HADHB: variants seen among roughly 807,000 people sequenced by gnomAD.
HADHB encodes trifunctional enzyme subunit beta, mitochondrial.
Under a neutral mutation model 61.9 loss-of-function variants are expected in HADHB, and 50 were observed. The ratio of observed to expected loss-of-function variants is 0.81; its 90% CI spans 0.64 to 1.02. The LOEUF is 1.02. Among genes scored for constraint, HADHB ranks in the 50% least tolerant of loss-of-function variants. The pLI, the probability that HADHB is intolerant of heterozygous loss-of-function variation, is 0.00. For synonymous variants in HADHB, 191 were observed against 201.6 expected (o/e 0.95, Z 0.45); for missense variants, 504 against 586.5 (o/e 0.86, Z 1.45).
intron 3 of HADHB, among the ~76,000 whole-genome samples, chr2:26,258,915 C>T (rs1671750787): frequency 6.6e-6 from 1 of 152,018 alleles, no homozygotes; most frequent in Admixed American, 6.6e-5. Flanking sequence ...AGTTACAAGC[C>T]CCGTGTTTAA....
intron 15 of HADHB, 63 bp downstream of exon 15, chr2:26,285,634 A>G (rs1337209611): frequency 4.0e-6 from 5 of 1,238,216 alleles, no homozygotes; most frequent in African/African-American, 3.1e-5. Flanking sequence ...ACTAGAATGT[A>G]TGATTTAGTT....
At chr2:26,265,262 A>G (rs1046816717) in intron 4 of HADHB, among the ~76,000 whole-genome samples, 10 of 152,132 alleles carry the variant, frequency 6.6e-5, no homozygotes, top group Non-Finnish European at 1.2e-4. Flanking sequence ...GGATCATTAT[A>G]TATTATGTAG....
rs114999315 is a variant in HADHB, at chr2:26,270,308, G to A, written c.254+311G>A. Among the ~76,000 whole-genome samples the A allele has an allele frequency of 4.4e-3, 665 of 152,296 alleles. 6 individuals are homozygous for A. Among genetic ancestry groups the A allele is most frequent in the South Asian group, 0.025 (119 of 4,830 alleles). ...TATGTAGATATTTACCTAGAAAGAA[G>A]CCTAAAAGACACCTGAAGATTCATG... is the stretch of plus-strand genomic sequence containing the variant. On this transcript the variant is annotated intron_variant, in intron 5 of 15. Coordinates refer to ENST00000317799, the MANE Select transcript of HADHB (RefSeq NM_000183.3).
chr2:26,271,368 G>A (rs984170636), intron 5 of HADHB, among the ~76,000 whole-genome samples: 4 of 151,934 alleles, frequency 2.6e-5, no homozygotes, highest in African/African-American at 4.8e-5. Flanking sequence ...TTAGCTGGGC[G>A]TAGTAGCACA....
chr2:26,288,735 A>AG (rs1436772254), intron 15 of HADHB, among the ~76,000 whole-genome samples: 5 of 152,106 alleles, frequency 3.3e-5, no homozygotes, highest in African/African-American at 1.2e-4. Flanking sequence ...CCAAGTACTT[A>AG]ACAGTTTGTT....
chr2:26,279,397 A>G lies in HADHB; in HGVS notation c.811+82A>G, dbSNP rs757303269. 1.2e-5 allele frequency: 12 copies of G among 991,400 alleles called. No homozygotes were observed. In the African/African-American group the frequency reaches 1.3e-4, roughly 10 times the overall value. The allele number at this position is 991,400 out of a possible 1,614,324, so 61.4% of individuals were successfully genotyped here. ...CAAAAACATCCCGAGTGATTTTTCC[A>G]TAAGTATGTTGGTTCTGTTTCCAAA... On this transcript the variant is annotated intron_variant, in intron 9 of 15. Transcript: ENST00000317799.
chr2:26,253,034 ATTC>A (rs915183128), intron 1 of HADHB, among the ~76,000 whole-genome samples: 1 of 152,192 alleles, frequency 6.6e-6, no homozygotes, highest in African/African-American at 2.4e-5. Context: ...TTTAATTTGA[ATTC>A]TTCTTATGAG....
intron 4 of HADHB, among the ~76,000 whole-genome samples, chr2:26,265,588 T>G (rs932332472): frequency 4.6e-4 from 64 of 139,190 alleles, no homozygotes; most frequent in African/African-American, 1.5e-3. Context: ...AGAGCAAAAC[T>G]CCATCTCAAA....
Position 26,263,484 on chromosome 2 carries a change from G to A in HADHB, c.209+5G>A. On this transcript the variant is annotated splice_donor_5th_base_variant and intron_variant, in intron 4 of 15. Transcript: ENST00000317799. ...ATTTTTGCTGTCTGGCACTTCGTAA[G>A]TATGACATGATCATATTATTTTTTT... 6.6e-7 allele frequency: 1 copy of A among 1,520,656 alleles called. No individual in the cohort carries two copies. The highest frequency in any genetic ancestry group is 9.1e-7 in the Non-Finnish European group (1 of 1,094,758). The allele number at this position is 1,520,656 out of a possible 1,614,324, so 94.2% of individuals were successfully genotyped here. A position where few individuals can be genotyped will look rare whatever the true frequency, so the allele number is the denominator to read the frequency against.
At chr2:26,268,484 A>C (rs1020657789) in intron 4 of HADHB, among the ~76,000 whole-genome samples, 5 of 152,204 alleles carry the variant, frequency 3.3e-5, no homozygotes, top group African/African-American at 1.2e-4. Context: ...ACTTGACCCA[A>C]ATCATCACTT....
intron 3 of HADHB, among the ~76,000 whole-genome samples, chr2:26,260,062 A>G (rs1222203312): frequency 6.6e-6 from 1 of 150,406 alleles, no homozygotes; most frequent in Non-Finnish European, 1.5e-5. Context: ...TAAAAGGAAT[A>G]TATGGTCAGT....
At chr2:26,245,281 G>C (rs575312265) in intron 1 of HADHB, 2 of 161,252 alleles carry the variant, frequency 1.2e-5, no homozygotes, top group Non-Finnish European at 2.7e-5. Context: ...TGTGTGTGTG[G>C]GTGTGTGTGG....
intron 3 of HADHB, among the ~76,000 whole-genome samples, chr2:26,263,011 A>G (rs1018506295): frequency 1.7e-4 from 26 of 152,296 alleles, no homozygotes; most frequent in Non-Finnish European, 1.2e-4. Flanking sequence ...TAAAAAATGT[A>G]AAAGTAGGCC....
chr2:26,274,773 TTTATAAGA>T (rs1243866356), intron 6 of HADHB, among the ~76,000 whole-genome samples: 4 of 152,194 alleles, frequency 2.6e-5, no homozygotes, highest in Non-Finnish European at 4.4e-5. Context: ...ACCTATTACT[TTTATAAGA>T]GCACTTAAGA....
intron 3 of HADHB, 94 bp from the exon 4 acceptor site, chr2:26,263,286 G>A (rs920334279): frequency 2.5e-5 from 18 of 726,130 alleles, no homozygotes; most frequent in South Asian, 6.3e-5. Flanking sequence ...GTGACAGAGC[G>A]AGACTCCATC....
chr2:26,286,634 C>T (rs1282251455), intron 15 of HADHB, among the ~76,000 whole-genome samples: 2 of 151,842 alleles, frequency 1.3e-5, no homozygotes, highest in African/African-American at 4.8e-5. Context: ...TCCTGAGTAG[C>T]TGGGATTACA....
intron 3 of HADHB, 77 bp from the exon 4 acceptor site, chr2:26,263,298 TAAAAA>T (rs75496350): frequency 1.1e-5 from 8 of 702,146 alleles, no homozygotes; most frequent in East Asian, 6.6e-5. Context: ...GACTCCATCT[TAAAAA>T]AAAAAAAAAA....
Position 26,250,789 on chromosome 2 carries a change from A to G in HADHB, c.-8-3458A>G, listed in dbSNP as rs112114615. Among the ~76,000 whole-genome samples, 953 of 151,970 alleles carry G rather than the reference A, an allele frequency of 6.3e-3. 8 individuals carry two copies. Among genetic ancestry groups the G allele is most frequent in the African/African-American group, 0.022 (892 of 41,430 alleles). Reference sequence around the variant, plus strand: ...TGACCTATGATCATACCACTGCACTACAGCTTGGGCAACAGAGCGAGACCC... The same window carrying G: ...TGACCTATGATCATACCACTGCACTGCAGCTTGGGCAACAGAGCGAGACCC... On this transcript the variant is annotated intron_variant, in intron 1 of 15. Transcript: ENST00000317799.
chr2:26,246,247 G>T (rs1235670871), intron 1 of HADHB, among the ~76,000 whole-genome samples: 1 of 151,912 alleles, frequency 6.6e-6, no homozygotes, highest in Non-Finnish European at 1.5e-5. Context: ...GGTAAATTTT[G>T]TTGTTGTTGT....
Sources: allele counts gnomAD v4.1 joint callset (sites outside exome capture counted in the v4.1 genomes callset), GRCh38; gene constraint gnomAD v4.1.1; transcripts MANE v1.5; gene names NCBI Gene and HGNC (gene_info 2026-07-23, HGNC 2026-07-21).